GRID1: variants seen among roughly 807,000 people sequenced by gnomAD.
GRID1 encodes glutamate receptor ionotropic, delta-1.
In GRID1, 28 loss-of-function variants were observed where a neutral mutation model predicts 98.0. The observed-to-expected ratio is 0.29, with a 90% confidence interval of 0.21 to 0.39. The LOEUF (loss-of-function observed/expected upper bound fraction) is 0.39, where lower values mean the gene tolerates loss of function less well. GRID1 is among the 10% of genes least tolerant of loss of function. The pLI, the probability that GRID1 is intolerant of heterozygous loss-of-function variation, is 1.00. For missense variants in GRID1, 1,111 were observed against 1,340.5 expected (o/e 0.83, Z 2.67); for synonymous variants, 553 against 538.5 (o/e 1.03, Z -0.37).
At chr10:85,714,747 C>T (rs1841619226) in intron 12 of GRID1, among the ~76,000 whole-genome samples, 1 of 151,892 alleles carries the variant, frequency 6.6e-6, no homozygotes, top group Admixed American at 6.6e-5. Flanking sequence ...CTGAAGAAGA[C>T]ACAAATAAAT....
chr10:86,256,066 A>G lies in GRID1; in HGVS notation c.236-49418T>C, dbSNP rs78368060. On this transcript the variant is annotated intron_variant, in intron 2 of 15. Transcript: ENST00000327946. ...ATCTTCCAGCTCAGCAGTAGTTGGC[A>G]CAGCTTTTCCAGACGCACAGGTGGG... Among the ~76,000 whole-genome samples the G allele has an allele frequency of 2.2e-3, 328 of 152,290 alleles. 11 individuals carry two copies. In the East Asian group the frequency reaches 0.06, roughly 28 times the overall value.
rs141907193 is a variant in GRID1 at position 85,829,106 on chromosome 10, C to G, written c.1233+25390G>C. ...CCAGCAACATATCAAAAAGCGAATC[C>G]ACCACAAATGGGTAGGCTTTATCTC... is the stretch of plus-strand genomic sequence containing the variant. On this transcript the variant is annotated intron_variant, in intron 8 of 15. Transcript: ENST00000327946. Among the ~76,000 whole-genome samples the G allele has an allele frequency of 4.6e-5, 7 of 152,212 alleles. No homozygotes were observed. The East Asian group carries it at 1.4e-3, about 29-fold the overall frequency.
chr10:86,199,879 C>A (rs1346703687), intron 3 of GRID1, among the ~76,000 whole-genome samples: 2 of 152,034 alleles, frequency 1.3e-5, no homozygotes, highest in African/African-American at 2.4e-5. Flanking sequence ...GAAGGCTTTG[C>A]CTTTGTCTGT....
intron 3 of GRID1, among the ~76,000 whole-genome samples, chr10:86,142,574 T>G (rs548884993): frequency 9.8e-5 from 15 of 152,342 alleles, no homozygotes; most frequent in African/African-American, 3.6e-4. Context: ...GGCATAAAGG[T>G]GGGACCCTGA....
chr10:85,674,473 A>G (rs1319567405), intron 12 of GRID1, among the ~76,000 whole-genome samples: 1 of 152,224 alleles, frequency 6.6e-6, no homozygotes, highest in Non-Finnish European at 1.5e-5. Flanking sequence ...CTTATATTAT[A>G]TCTTTTGTGA....
chr10:85,874,304 G>T (rs1442302058), intron 5 of GRID1, among the ~76,000 whole-genome samples: 1 of 151,824 alleles, frequency 6.6e-6, no homozygotes, highest in Non-Finnish European at 1.5e-5. Flanking sequence ...TTTATAAAGT[G>T]GTTTTACAAA....
At chr10:86,224,530 T>C (rs1378685564) in intron 2 of GRID1, among the ~76,000 whole-genome samples, 1 of 152,110 alleles carries the variant, frequency 6.6e-6, no homozygotes, top group Non-Finnish European at 1.5e-5. Context: ...CTGGGCAGGA[T>C]GGGATGTGGG....
At chr10:85,850,246 C>T (rs947233742) in intron 8 of GRID1, among the ~76,000 whole-genome samples, 5 of 152,270 alleles carry the variant, frequency 3.3e-5, no homozygotes, top group Admixed American at 2.0e-4. Flanking sequence ...TGGAGAAAGG[C>T]GAACAGCTTC....
Position 85,830,888 on chromosome 10 carries a change from C to T in GRID1, c.1233+23608G>A, listed in dbSNP as rs73332652. On this transcript the variant is annotated intron_variant, in intron 8 of 15. Transcript: ENST00000327946. Reference sequence around the variant, plus strand: ...GTAATGTAAATTAGCTCAGCCATTGCGGAAAGTAGTGTGGCGACTTCTCAA... The same window carrying T: ...GTAATGTAAATTAGCTCAGCCATTGTGGAAAGTAGTGTGGCGACTTCTCAA... Among the ~76,000 whole-genome samples, 893 of 152,106 alleles carry T rather than the reference C, an allele frequency of 5.9e-3. 8 individuals are homozygous for T. Among genetic ancestry groups the T allele is most frequent in the African/African-American group, 0.02 (830 of 41,482 alleles).
chr10:86,234,663 T>C (rs1437297342), intron 2 of GRID1, among the ~76,000 whole-genome samples: 1 of 152,220 alleles, frequency 6.6e-6, no homozygotes, highest in Non-Finnish European at 1.5e-5. Flanking sequence ...TTTCACTTGC[T>C]GCTCTCATCC....
At chr10:86,207,392 G>A (rs1846042115) in intron 2 of GRID1, among the ~76,000 whole-genome samples, 1 of 152,132 alleles carries the variant, frequency 6.6e-6, no homozygotes, top group Non-Finnish European at 1.5e-5. Context: ...GGAACACAGC[G>A]GACGCTCCAG....
At chr10:86,123,924 T>C (rs1445482948) in intron 4 of GRID1, among the ~76,000 whole-genome samples, 1 of 152,148 alleles carries the variant, frequency 6.6e-6, no homozygotes, top group Non-Finnish European at 1.5e-5. Context: ...CAGCGTGGCT[T>C]CCCACACCAA....
At chr10:85,967,034 A>G (rs374449862) in intron 4 of GRID1, among the ~76,000 whole-genome samples, 2 of 152,202 alleles carry the variant, frequency 1.3e-5, no homozygotes, top group East Asian at 1.9e-4. Context: ...GTAGTGAATA[A>G]GTCTCACAAG....
chr10:86,262,797 C>T (rs972865233), intron 2 of GRID1, among the ~76,000 whole-genome samples: 14 of 152,194 alleles, frequency 9.2e-5, no homozygotes, highest in Admixed American at 3.9e-4. Context: ...TTCTGCCAGA[C>T]TTCTGCGTTG....
chr10:85,929,334 A>C (rs554946481), intron 4 of GRID1, among the ~76,000 whole-genome samples: 1 of 152,230 alleles, frequency 6.6e-6, no homozygotes, highest in African/African-American at 2.4e-5. Context: ...GGGTCCACCG[A>C]AGGTGTCTTA....
At chr10:85,998,478 G>A (rs1168624468) in intron 4 of GRID1, among the ~76,000 whole-genome samples, 1 of 151,988 alleles carries the variant, frequency 6.6e-6, no homozygotes, top group African/African-American at 2.4e-5. Flanking sequence ...GTGAGACACA[G>A]GTAAACCAGT....
chr10:85,624,692 C>T (rs554994331), intron 13 of GRID1, among the ~76,000 whole-genome samples: 1 of 152,208 alleles, frequency 6.6e-6, no homozygotes, highest in East Asian at 1.9e-4. Context: ...AAAAAATGTG[C>T]GTAATCCTTC....
intron 14 of GRID1, among the ~76,000 whole-genome samples, chr10:85,615,038 C>A (rs1464052791): frequency 6.6e-6 from 1 of 152,138 alleles, no homozygotes; most frequent in Non-Finnish European, 1.5e-5. Flanking sequence ...TTGTTTATAG[C>A]CAGGAAAAAT....
At chr10:85,606,712 T>C (rs1471297718) in intron 15 of GRID1, 1 of 152,172 alleles carries the variant, frequency 6.6e-6, no homozygotes, top group Admixed American at 6.5e-5. Context: ...TGTCTGTCTG[T>C]TCCTTCTGTG....
Sources: gnomAD v4.1 joint callset for allele counts (sites outside exome capture counted in the v4.1 genomes callset) on GRCh38, gnomAD v4.1.1 for gene constraint, MANE v1.5 for transcripts, NCBI Gene and HGNC (gene_info 2026-07-23, HGNC 2026-07-21) for gene names.